Variants in CCDC180 observed in about 807,000 individuals in gnomAD.
CCDC180 encodes coiled-coil domain containing 180, also known as coiled-coil domain-containing protein 180.
In CCDC180, 154 loss-of-function variants were observed where a neutral mutation model predicts 209.2. The ratio of observed to expected loss-of-function variants is 0.74; its 90% CI spans 0.65 to 0.84. CCDC180 has a LOEUF of 0.84. Ranked by LOEUF, CCDC180 falls within the 40% of genes least tolerant of loss-of-function variation. The pLI is 0.00. For missense variants in CCDC180, 1,874 were observed against 1,997.3 expected (o/e 0.94, Z 1.18); for synonymous variants, 778 against 749.1 (o/e 1.04, Z -0.63).
intron 25 of CCDC180, among the ~76,000 whole-genome samples, chr9:97,358,941 A>G (rs950104293): frequency 4.6e-5 from 7 of 152,150 alleles, no homozygotes; most frequent in African/African-American, 1.7e-4. Flanking sequence ...AGTTTATTGC[A>G]TGACTCTTGA....
intron 19 of CCDC180, among the ~76,000 whole-genome samples, chr9:97,347,057 A>G (rs991972967): frequency 3.9e-5 from 6 of 152,218 alleles, no homozygotes; most frequent in African/African-American, 1.4e-4. Context: ...CCACAAATGT[A>G]TTTTAACCTT....
In CCDC180 at chr9:97,324,408, A is replaced by G. The variant is rs1030639328; in HGVS notation, c.1371+505A>G. On this transcript the variant is annotated intron_variant, in intron 13 of 36. Transcript: ENST00000529487. ...TGATGGACACTGAAATTGGAATTGTATGTAATTTTCATCTCATTAAATATC... is the reference window on the plus strand; with the variant it reads ...TGATGGACACTGAAATTGGAATTGTGTGTAATTTTCATCTCATTAAATATC... Among the ~76,000 whole-genome samples, 6 of 152,330 alleles carry G rather than the reference A, an allele frequency of 3.9e-5. No homozygotes were observed. In the Middle Eastern group the frequency reaches 0.014, roughly 345 times the overall value.
chr9:97,332,744 A>G (rs540877142), intron 18 of CCDC180, among the ~76,000 whole-genome samples: 2 of 152,248 alleles, frequency 1.3e-5, no homozygotes, highest in African/African-American at 4.8e-5. Context: ...ACTTTGCTGA[A>G]GTTGTGTATC....
At chr9:97,324,575 C>T (rs1287172676) in intron 13 of CCDC180, among the ~76,000 whole-genome samples, 4 of 152,274 alleles carry the variant, frequency 2.6e-5, no homozygotes, top group South Asian at 4.1e-4. Flanking sequence ...GCATAAGACA[C>T]GTACATTTTT....
intron 27 of CCDC180, 72 bp downstream of exon 27, chr9:97,361,970 T>G: frequency 6.5e-7 from 1 of 1,546,000 alleles, no homozygotes; most frequent in Non-Finnish European, 8.7e-7. Flanking sequence ...GGGACCAGCT[T>G]TGGGGCCCCA....
At position 97,365,808 on chromosome 9, in the gene CCDC180, A is replaced by C. The variant is rs952718611; in HGVS notation, c.4047+69A>C. ...GCCTGCCTTCTGCAGTCTGCTGATC[A>C]TGGCCGCTTGGGGGAAAATGAGGAA... On this transcript the variant is annotated intron_variant, in intron 30 of 36. Coordinates refer to ENST00000529487, the MANE Select transcript of CCDC180 (RefSeq NM_020893.6). 24 of 1,396,358 alleles carry C rather than the reference A, an allele frequency of 1.7e-5. No homozygotes were observed. The South Asian group carries it at 2.7e-4, about 16-fold the overall frequency. 86.5% of individuals were successfully genotyped at this position (1,396,358 alleles called of 1,614,324 possible).
At position 97,362,382 on chromosome 9, in the gene CCDC180, C is replaced by A. The variant is rs1564173687; in HGVS notation, c.3843C>A (p.Cys1281Ter). 3.1e-6 allele frequency: 5 copies of A among 1,614,098 alleles called. No individual in the cohort carries two copies. In the South Asian group the frequency reaches 5.5e-5, roughly 18 times the overall value. Residue 1281 changes from cysteine (C) to a stop codon, truncating the protein, a stop_gained, in exon 28 of 37, where the codon TGC (cysteine) becomes TGA (stop). Coordinates refer to ENST00000529487, the MANE Select transcript of CCDC180 (RefSeq NM_020893.6). LOFTEE classifies it high-confidence loss of function. ...SSPKGFKRHR[C>*]QPENSGKKAV... is the part of the protein sequence containing the mutation. ...CCAAAGGCTTCAAGCGACATCGGTG[C>A]CAGCCAGAAAACTCTGGGAAGAAGG...
At chr9:97,334,224 T>C (rs1177664683) in intron 18 of CCDC180, among the ~76,000 whole-genome samples, 1 of 152,164 alleles carries the variant, frequency 6.6e-6, no homozygotes, top group Non-Finnish European at 1.5e-5. Context: ...ACTCAGCTAC[T>C]AATGGAAAAG....
intron 2 of CCDC180, among the ~76,000 whole-genome samples, chr9:97,308,664 A>G (rs895311418): frequency 1.3e-5 from 2 of 152,262 alleles, no homozygotes; most frequent in Non-Finnish European, 2.9e-5. Context: ...CTGTATAGAC[A>G]AAACAAGATC....
chr9:97,308,027 A>G lies in CCDC180; in HGVS notation c.-37A>G, dbSNP rs1832852826. 1 of 1,611,690 alleles carries G rather than the reference A, an allele frequency of 6.2e-7. No homozygotes were observed. Among genetic ancestry groups the G allele is most frequent in the South Asian group, 1.1e-5 (1 of 90,728 alleles). On this transcript the variant is annotated 5_prime_UTR_variant, in exon 2 of 37. Transcript: ENST00000529487. ...AAAGCCTAGACGCGTTTCCTGGACG[A>G]CGGCTTCCCGGCAGGGGCATCCAGC... is the stretch of plus-strand genomic sequence containing the variant.
chr9:97,347,201 G>A, intron 19 of CCDC180, 113 bp from the exon 20 acceptor site: 2 of 1,006,252 alleles, frequency 2.0e-6, no homozygotes, highest in South Asian at 3.3e-5. Context: ...ATGTAGCTGG[G>A]AAATGAAATG....
At chr9:97,314,584 C>T (rs758771457) in intron 6 of CCDC180, 34 bp from the exon 7 acceptor site, 43 of 1,613,288 alleles carry the variant, frequency 2.7e-5, no homozygotes, top group African/African-American at 4.0e-5. Flanking sequence ...TGCCTCCCAC[C>T]GGCTCCTAGC....
upstream of CCDC180, chr9:97,307,580 T>C (rs561381484): frequency 7.4e-6 from 5 of 678,292 alleles, no homozygotes; most frequent in African/African-American, 5.3e-5. Context: ...TTCTCCTCCC[T>C]GTGTCCCATG....
At position 97,330,377 on chromosome 9, in the gene CCDC180, G is replaced by T. The variant is rs1296726023; in HGVS notation, c.1884G>T (p.Gly628=). The T allele has an allele frequency of 7.4e-6, 12 of 1,614,036 alleles. No homozygotes were observed. Among genetic ancestry groups the T allele is most frequent in the Admixed American group, 5.0e-5 (3 of 59,998 alleles). ...TGAAAAAACTGAGGAAGAAGCAAGGGTCTAAAGAGGACATGACCAGAAGTG... is the reference window on the plus strand; with the variant it reads ...TGAAAAAACTGAGGAAGAAGCAAGGTTCTAAAGAGGACATGACCAGAAGTG... ...KRVKKLRKKQ[G]SKEDMTRSEE... Residue 628 remains glycine, a synonymous_variant, in exon 18 of 37, where the codon GGG becomes GGT. Coordinates refer to ENST00000529487, the MANE Select transcript of CCDC180 (RefSeq NM_020893.6).
intron 25 of CCDC180, among the ~76,000 whole-genome samples, chr9:97,358,957 G>A (rs145933846): frequency 8.5e-5 from 13 of 152,194 alleles, no homozygotes; most frequent in African/African-American, 2.4e-4. Context: ...CTTGAAAAAA[G>A]CGTAAACACC....
chr9:97,372,176 A>C (rs1827119921), intron 34 of CCDC180: 1 of 152,526 alleles, frequency 6.6e-6, no homozygotes, highest in Non-Finnish European at 1.5e-5. Flanking sequence ...CATGCTCTTC[A>C]AAAGAGAAGC....
intron 3 of CCDC180, among the ~76,000 whole-genome samples, chr9:97,310,562 A>G (rs894905201): frequency 6.6e-6 from 1 of 152,098 alleles, no homozygotes; most frequent in South Asian, 2.1e-4. Flanking sequence ...GAGAGAATGG[A>G]GCAGGCGCGG....
intron 22 of CCDC180, among the ~76,000 whole-genome samples, chr9:97,350,982 A>C (rs1826406900): frequency 6.6e-6 from 1 of 152,210 alleles, no homozygotes; most frequent in African/African-American, 2.4e-5. Context: ...ATCATGTGTC[A>C]CAAAATCATT....
At chr9:97,319,754 T>C (rs1282502509) in intron 10 of CCDC180, among the ~76,000 whole-genome samples, 1 of 152,234 alleles carries the variant, frequency 6.6e-6, no homozygotes, top group Non-Finnish European at 1.5e-5. Flanking sequence ...TAAATCATCA[T>C]GTGTGTTTAT....
Sources: allele counts gnomAD v4.1 joint callset (sites outside exome capture counted in the v4.1 genomes callset), GRCh38; gene constraint gnomAD v4.1.1; transcripts MANE v1.5; gene names NCBI Gene and HGNC (gene_info 2026-07-23, HGNC 2026-07-21).